Variants in RUFY3 observed in about 807,000 individuals in gnomAD.
The protein encoded by RUFY3 is protein RUFY3.
RUFY3 carries 34 observed loss-of-function variants against 84.0 expected under a neutral mutation model. The observed-to-expected ratio is 0.40, with a 90% CI of 0.31 to 0.54. The LOEUF (loss-of-function observed/expected upper bound fraction) is 0.54. RUFY3 is among the 20% of genes least tolerant of loss of function. The pLI is 0.39. For synonymous variants in RUFY3, 242 were observed against 252.9 expected, an observed-to-expected ratio of 0.96 and a Z score of 0.41; for missense variants, 507 against 736.8, an observed-to-expected ratio of 0.69 and a Z score of 3.61.
At chr4:70,800,065 T>A in intron 14 of RUFY3, 76 bp from the exon 15 acceptor site, 1 of 1,413,870 alleles carries the variant, frequency 7.1e-7, no homozygotes, top group Non-Finnish European at 9.7e-7. Context: ...ACTAAGGCAT[T>A]GCAGAAGAAA....
chr4:70,766,054 A>G (rs1368815748), intron 4 of RUFY3, among the ~76,000 whole-genome samples: 1 of 151,816 alleles, frequency 6.6e-6, no homozygotes, highest in Non-Finnish European at 1.5e-5. Flanking sequence ...AGCCCAGCCT[A>G]TTAATATCTT....
At chr4:70,785,728 T>C (rs1199730487) in intron 10 of RUFY3, among the ~76,000 whole-genome samples, 2 of 151,606 alleles carry the variant, frequency 1.3e-5, no homozygotes, top group Non-Finnish European at 2.9e-5. Context: ...TCCCAGCTAC[T>C]TGGGAGGCTG....
chr4:70,783,980 T>C (rs1472975110), intron 9 of RUFY3, among the ~76,000 whole-genome samples: 1 of 152,228 alleles, frequency 6.6e-6, no homozygotes, highest in African/African-American at 2.4e-5. Context: ...TCCATAGTTA[T>C]TAAAATTGTT....
intron 1 of RUFY3, among the ~76,000 whole-genome samples, chr4:70,733,117 AGAGGGAGGGAGGGAGGGAGG>A (rs1188227274): frequency 6.1e-4 from 50 of 81,306 alleles, no homozygotes; most frequent in African/African-American, 1.6e-3. Context: ...AGAGAGAGAG[AGAGGGAGGGAGGGAGGGAGG>A]GAGAGAGAGA....
intron 1 of RUFY3, among the ~76,000 whole-genome samples, chr4:70,726,119 T>A (rs540279214): frequency 3.0e-4 from 45 of 152,152 alleles, no homozygotes; most frequent in Non-Finnish European, 5.3e-4. Context: ...GGGTAAGAGA[T>A]GACAATCTCA....
At chr4:70,757,238 C>G (rs758387523) in intron 1 of RUFY3, among the ~76,000 whole-genome samples, 4 of 152,176 alleles carry the variant, frequency 2.6e-5, no homozygotes, top group African/African-American at 9.7e-5. Context: ...GATCGTGCCA[C>G]TGCACTCCAG....
chr4:70,708,560 C>T (rs990495004), intron 1 of RUFY3, among the ~76,000 whole-genome samples: 9 of 152,214 alleles, frequency 5.9e-5, no homozygotes, highest in Admixed American at 2.6e-4. Flanking sequence ...GCCTCTTTAG[C>T]AACCCAATTT....
chr4:70,765,924 A>C (rs1725829152), intron 4 of RUFY3, among the ~76,000 whole-genome samples: 1 of 151,402 alleles, frequency 6.6e-6, no homozygotes, highest in Non-Finnish European at 1.5e-5. Flanking sequence ...CACCACACCC[A>C]GCTAATTTTT....
At chr4:70,756,593 A>G (rs1252872550) in intron 1 of RUFY3, among the ~76,000 whole-genome samples, 1 of 151,792 alleles carries the variant, frequency 6.6e-6, no homozygotes, top group Non-Finnish European at 1.5e-5. Context: ...TGTTCCCTTC[A>G]CATCTCTACT....
chr4:70,795,389 A>G (rs1731375886), intron 14 of RUFY3, among the ~76,000 whole-genome samples: 1 of 152,152 alleles, frequency 6.6e-6, no homozygotes, highest in Non-Finnish European at 1.5e-5. Flanking sequence ...AGGCTTGAGG[A>G]AAGGAAGGTA....
chr4:70,730,077 G>A (rs1380644037), intron 1 of RUFY3, among the ~76,000 whole-genome samples: 2 of 151,672 alleles, frequency 1.3e-5, no homozygotes, highest in African/African-American at 2.4e-5. Context: ...TGGGATTACA[G>A]GCACCCACCA....
Position 70,722,054 on chromosome 4 carries a change from T to A in RUFY3, c.-520T>A, listed in dbSNP as rs1742364150. The A allele has an allele frequency of 8.1e-7, 1 of 1,232,148 alleles. No homozygotes were observed. The allele number at this position is 1,232,148 out of a possible 1,614,324, so 76.3% of individuals were successfully genotyped here. On this transcript the variant is annotated 5_prime_UTR_variant, in exon 1 of 18. Transcript: ENST00000381006. The stretch of plus-strand genomic sequence containing the variant: ...CAGCATCCCAGCTCATCTGAGCAGA[T>A]CCTGGAAGTGATTTCTGCAGCTCAG...
chr4:70,778,459 G>C (rs1164217580), intron 8 of RUFY3, 21 bp downstream of exon 8: 1 of 1,396,192 alleles, frequency 7.2e-7, no homozygotes, highest in South Asian at 1.2e-5. Flanking sequence ...GAAATGCTTT[G>C]ATTGACTTAT....
At position 70,713,519 on chromosome 4, in the gene RUFY3, G is replaced by A. The variant is rs185721515; in HGVS notation, c.358+8225G>A. On this transcript the variant is annotated intron_variant, in intron 1 of 11. Coordinates refer to the RUFY3 transcript ENST00000417478. ...TATCTGACATGCTCCCTACCGACCG[G>A]ACAAGATACTCAGCTTTGTCAGAGG... Among the ~76,000 whole-genome samples, 13 of 151,902 alleles carry A rather than the reference G, an allele frequency of 8.6e-5. No individual in the cohort carries two copies. In the East Asian group the frequency reaches 1.2e-3, roughly 14 times the overall value.
chr4:70,760,742 C>A (rs1724893306), intron 1 of RUFY3, among the ~76,000 whole-genome samples: 1 of 152,118 alleles, frequency 6.6e-6, no homozygotes, highest in African/African-American at 2.4e-5. Context: ...TAAGCTATGG[C>A]CACATTTAAA....
chr4:70,785,371 A>C (rs1190057788), intron 10 of RUFY3, among the ~76,000 whole-genome samples: 1 of 152,184 alleles, frequency 6.6e-6, no homozygotes, highest in Admixed American at 6.5e-5. Context: ...AATACATATC[A>C]ATATATAGAT....
chr4:70,777,696 A>G (rs1728186166), intron 7 of RUFY3, among the ~76,000 whole-genome samples: 1 of 152,204 alleles, frequency 6.6e-6, no homozygotes. Context: ...TTATCTGTAA[A>G]TGAGAATACC....
chr4:70,775,252 T>C lies in RUFY3; in HGVS notation c.824+19T>C. 6.8e-7 allele frequency: 1 copy of C among 1,472,896 alleles called. No individual in the cohort carries two copies. The highest frequency in any genetic ancestry group is 1.2e-5 in the South Asian group (1 of 82,998). 91.2% of individuals were successfully genotyped at this position (1,472,896 alleles called of 1,614,324 possible). ...ATTTGAAGTAAATAATGAATAAATA[T>C]ATTACTTTACTGGGGAATTGTTGAA... On this transcript the variant is annotated intron_variant, in intron 7 of 17. Coordinates refer to ENST00000381006, the MANE Select transcript of RUFY3 (RefSeq NM_001037442.4).
intron 1 of RUFY3, among the ~76,000 whole-genome samples, chr4:70,707,877 T>C (rs1411022573): frequency 6.6e-6 from 1 of 152,236 alleles, no homozygotes; most frequent in Non-Finnish European, 1.5e-5. Context: ...AAAAAGTTCC[T>C]TGTTACCCTG....
Sources: allele counts gnomAD v4.1 joint callset (sites outside exome capture counted in the v4.1 genomes callset), GRCh38; gene constraint gnomAD v4.1.1; transcripts MANE v1.5; gene names NCBI Gene and HGNC (gene_info 2026-07-23, HGNC 2026-07-21).